Variants in ABLIM1 observed in about 807,000 individuals in gnomAD.
ABLIM1 encodes actin-binding LIM protein 1.
A neutral mutation model predicts 107.0 loss-of-function variants in ABLIM1; 40 were observed. The observed-to-expected ratio is 0.37, with a 90% confidence interval of 0.29 to 0.49. The LOEUF (loss-of-function observed/expected upper bound fraction) is 0.49. Ranked by LOEUF, ABLIM1 falls within the 20% of genes least tolerant of loss-of-function variation. The probability of loss-of-function intolerance (pLI) is 0.97; values close to 1 mark genes in which losing one functional copy is unlikely to be tolerated. For missense variants in ABLIM1, 857 were observed against 1,008.5 expected, an observed-to-expected ratio of 0.85 and a Z score of 2.04; for synonymous variants, 357 against 357.3, an observed-to-expected ratio of 1.00 and a Z score of 0.01.
Position 114,598,105 on chromosome 10 carries a change from C to CT in ABLIM1, c.379+3721dup, listed in dbSNP as rs1269954389. Among the ~76,000 whole-genome samples, 14 of 152,032 alleles carry CT rather than the reference C, an allele frequency of 9.2e-5. No individual in the cohort carries two copies. In the East Asian group the frequency reaches 2.5e-3, roughly 27 times the overall value. On this transcript the variant is annotated intron_variant, in intron 2 of 22. Transcript: ENST00000533213. Reference sequence around the variant, plus strand: ...TGGTCAATATGGTAAAACCCCGTGTCTACAAATAATACAAAAAAATTAGCT... The same window carrying CT: ...TGGTCAATATGGTAAAACCCCGTGTCTTACAAATAATACAAAAAAATTAGCT...
intron 2 of ABLIM1, among the ~76,000 whole-genome samples, chr10:114,586,655 C>T (rs1216768781): frequency 1.3e-5 from 2 of 150,828 alleles, no homozygotes; most frequent in South Asian, 2.1e-4. Flanking sequence ...TGAGAGCAGG[C>T]TCCGGAAGAG....
intron 4 of ABLIM1, among the ~76,000 whole-genome samples, chr10:114,555,002 A>G (rs1199780852): frequency 6.6e-6 from 1 of 152,146 alleles, no homozygotes; most frequent in Admixed American, 6.5e-5. Context: ...AATATGTGTA[A>G]TTACCGAGCC....
At chr10:114,772,962 A>C (rs1405503708), upstream of ABLIM1, among the ~76,000 whole-genome samples, 1 of 152,186 alleles carries the variant, frequency 6.6e-6, no homozygotes, top group African/African-American at 2.4e-5. Flanking sequence ...TGGATAGATA[A>C]AACAGACAAA....
At chr10:114,447,561 T>C (rs2061205684) in intron 15 of ABLIM1, among the ~76,000 whole-genome samples, 1 of 152,246 alleles carries the variant, frequency 6.6e-6, no homozygotes, top group Non-Finnish European at 1.5e-5. Flanking sequence ...CCATAAGGCT[T>C]TCACTCAACT....
chr10:114,459,078 C>T (rs963307607), intron 12 of ABLIM1, among the ~76,000 whole-genome samples: 1 of 152,234 alleles, frequency 6.6e-6, no homozygotes, highest in African/African-American at 2.4e-5. Flanking sequence ...GTCCTCAGCT[C>T]AGTGAGGCCC....
chr10:114,700,757 A>C (rs2081292843), intron 1 of ABLIM1, among the ~76,000 whole-genome samples: 1 of 152,128 alleles, frequency 6.6e-6, no homozygotes, highest in African/African-American at 2.4e-5. Context: ...AATTAACCTC[A>C]ACCCCTACCT....
chr10:114,569,837 T>C (rs1215505942), intron 4 of ABLIM1, among the ~76,000 whole-genome samples: 1 of 152,224 alleles, frequency 6.6e-6, no homozygotes, highest in African/African-American at 2.4e-5. Flanking sequence ...AAGCTGCTGT[T>C]ATTTGTCGGA....
chr10:114,666,058 G>A (rs1046535102), intron 1 of ABLIM1, among the ~76,000 whole-genome samples: 2 of 152,164 alleles, frequency 1.3e-5, no homozygotes, highest in Non-Finnish European at 2.9e-5. Flanking sequence ...GGCAAATCAG[G>A]TGACCTTTTT....
intron 6 of ABLIM1, among the ~76,000 whole-genome samples, chr10:114,527,432 T>G (rs925961967): frequency 2.6e-5 from 4 of 152,204 alleles, no homozygotes; most frequent in Non-Finnish European, 4.4e-5. Context: ...TAGCAGAAAA[T>G]TACTGGCTAG....
chr10:114,638,830 C>T (rs1328955482), intron 1 of ABLIM1, among the ~76,000 whole-genome samples: 1 of 152,140 alleles, frequency 6.6e-6, no homozygotes, highest in Non-Finnish European at 1.5e-5. Context: ...ATGGAAGGAC[C>T]TGTCAGGTGA....
At chr10:114,622,985 C>G (rs1398970683) in intron 1 of ABLIM1, among the ~76,000 whole-genome samples, 1 of 152,140 alleles carries the variant, frequency 6.6e-6, no homozygotes, top group East Asian at 1.9e-4. Flanking sequence ...TTTTCTGAGA[C>G]AAGGTCTGGC....
At chr10:114,694,638 T>C (rs1295224280) in intron 1 of ABLIM1, among the ~76,000 whole-genome samples, 1 of 152,160 alleles carries the variant, frequency 6.6e-6, no homozygotes, top group Admixed American at 6.5e-5. Context: ...AAACAGTTCC[T>C]GATTCCTGAC....
chr10:114,652,236 G>A (rs1206289265), intron 1 of ABLIM1, among the ~76,000 whole-genome samples: 2 of 152,160 alleles, frequency 1.3e-5, no homozygotes, highest in Non-Finnish European at 2.9e-5. Context: ...TGACAACAAA[G>A]CCATTTGTGG....
At chr10:114,467,814 G>A (rs985644915) in intron 11 of ABLIM1, among the ~76,000 whole-genome samples, 1 of 152,054 alleles carries the variant, frequency 6.6e-6, no homozygotes, top group Admixed American at 6.5e-5. Flanking sequence ...TATAGAATAC[G>A]CCATGATGGC....
chr10:114,634,123 A>ATTTT (rs1209219359), intron 1 of ABLIM1, among the ~76,000 whole-genome samples: 1 of 68,222 alleles, frequency 1.5e-5, no homozygotes, highest in African/African-American at 5.5e-5. Context: ...CATTAGCTCA[A>ATTTT]TTTTTCTTTT....
At chr10:114,471,792 T>A (rs1285946979) in intron 10 of ABLIM1, among the ~76,000 whole-genome samples, 1 of 152,042 alleles carries the variant, frequency 6.6e-6, no homozygotes, top group African/African-American at 2.4e-5. Context: ...CACTGTGAGA[T>A]GCTAGATTGT....
rs567366651 is a variant in ABLIM1, at chr10:114,470,669, T to C, written c.1275+2308A>G. Among the ~76,000 whole-genome samples, 8 of 152,236 alleles carry C rather than the reference T, an allele frequency of 5.3e-5. 1 individual carries two copies. The East Asian group carries it at 1.5e-3, about 29-fold the overall frequency. On this transcript the variant is annotated intron_variant, in intron 10 of 22. Transcript: ENST00000533213. ...ATGCTGATTACGAGAGTAGCCAGCATTTTTCTTAAGCACTTATTATGTGCC... is the reference window on the plus strand; with the variant it reads ...ATGCTGATTACGAGAGTAGCCAGCACTTTTCTTAAGCACTTATTATGTGCC...
At chr10:114,565,753 G>A (rs745899951) in intron 4 of ABLIM1, among the ~76,000 whole-genome samples, 12 of 148,978 alleles carry the variant, frequency 8.1e-5, no homozygotes, top group Non-Finnish European at 1.5e-4. Context: ...CTCCCCTTTG[G>A]AAACATGCAC....
chr10:114,714,214 C>T (rs941973091), intron 1 of ABLIM1, among the ~76,000 whole-genome samples: 3 of 152,178 alleles, frequency 2.0e-5, no homozygotes, highest in Admixed American at 1.3e-4. Context: ...TCATTTAGGT[C>T]ATGAAATCAT....
Sources: gnomAD v4.1 joint callset for allele counts (sites outside exome capture counted in the v4.1 genomes callset) on GRCh38, gnomAD v4.1.1 for gene constraint, MANE v1.5 for transcripts, NCBI Gene and HGNC (gene_info 2026-07-23, HGNC 2026-07-21) for gene names.